The following ZRANB3 variants were observed in gnomAD, a reference collection of about 807,000 sequenced individuals.
ZRANB3 encodes DNA annealing helicase and endonuclease ZRANB3.
A neutral mutation model predicts 133.8 loss-of-function variants in ZRANB3; 125 were observed. That is an observed-to-expected ratio of 0.93 (90% CI 0.81 to 1.08). The LOEUF is 1.08. Among genes scored for constraint, ZRANB3 ranks in the 50% least tolerant of loss-of-function variants. The probability of loss-of-function intolerance (pLI) is 0.00; values close to 1 mark genes in which losing one functional copy is unlikely to be tolerated. For synonymous variants in ZRANB3, 387 were observed against 432.7 expected, an observed-to-expected ratio of 0.89 and a Z score of 1.31; for missense variants, 1,229 against 1,275.5, an observed-to-expected ratio of 0.96 and a Z score of 0.56.
intron 2 of ZRANB3, among the ~76,000 whole-genome samples, chr2:135,485,070 A>C (rs943581607): frequency 6.6e-6 from 1 of 152,058 alleles, no homozygotes; most frequent in Non-Finnish European, 1.5e-5. Flanking sequence ...ATATATTTTT[A>C]AAACCCCAAT....
intron 15 of ZRANB3, among the ~76,000 whole-genome samples, chr2:135,221,821 A>G (rs764251131): frequency 6.6e-6 from 1 of 152,100 alleles, no homozygotes; most frequent in Non-Finnish European, 1.5e-5. Context: ...CTCCAAACCT[A>G]TAAGAGGAGC....
At chr2:135,335,588 G>A (rs934433108) in intron 6 of ZRANB3, among the ~76,000 whole-genome samples, 8 of 152,034 alleles carry the variant, frequency 5.3e-5, no homozygotes, top group African/African-American at 1.4e-4. Flanking sequence ...ACCTATTTGC[G>A]AGGCTGAGGC....
chr2:135,414,215 C>T (rs1048807545), intron 2 of ZRANB3, among the ~76,000 whole-genome samples: 30 of 152,108 alleles, frequency 2.0e-4, no homozygotes, highest in African/African-American at 4.6e-4. Context: ...ACCCATCTCA[C>T]GTGCAGAGAC....
intron 2 of ZRANB3, among the ~76,000 whole-genome samples, chr2:135,391,238 G>T (rs1042867916): frequency 2.0e-5 from 3 of 152,188 alleles, no homozygotes; most frequent in Non-Finnish European, 4.4e-5. Context: ...AAGCCAGAGA[G>T]AGGTGTTTAT....
chr2:135,292,693 G>C (rs1215635515), intron 8 of ZRANB3, among the ~76,000 whole-genome samples: 2 of 152,156 alleles, frequency 1.3e-5, no homozygotes, highest in South Asian at 2.1e-4. Flanking sequence ...TAATGGTATT[G>C]CCTAGGTTTT....
intron 8 of ZRANB3, 29 bp from the exon 9 acceptor site, chr2:135,275,784 T>C (rs954108303): frequency 9.6e-6 from 14 of 1,460,264 alleles, no homozygotes; most frequent in Non-Finnish European, 1.3e-5. Flanking sequence ...ACCTTATTAG[T>C]GTCATAAAAA....
chr2:135,504,283 C>T (rs1693077605), intron 2 of ZRANB3, 46 bp downstream of exon 2: 1 of 1,608,846 alleles, frequency 6.2e-7, no homozygotes, highest in African/African-American at 1.3e-5. Flanking sequence ...TTTTAATACA[C>T]TTTCCAGGAA....
intron 6 of ZRANB3, among the ~76,000 whole-genome samples, chr2:135,321,137 T>C (rs574994913): frequency 8.6e-4 from 131 of 152,350 alleles, no homozygotes; most frequent in African/African-American, 2.7e-3. Flanking sequence ...AGTGAACATA[T>C]GTTTTCATTT....
At chr2:135,211,621 T>C (rs1045613794) in intron 17 of ZRANB3, among the ~76,000 whole-genome samples, 1 of 152,210 alleles carries the variant, frequency 6.6e-6, no homozygotes, top group Non-Finnish European at 1.5e-5. Context: ...AAATAAATAA[T>C]AGCATAGCAT....
In ZRANB3 at chr2:135,300,178, T is replaced by G. The variant is rs376520093; in HGVS notation, c.966+13311A>C. Among the ~76,000 whole-genome samples, 57 of 152,348 alleles carry G rather than the reference T, an allele frequency of 3.7e-4. 2 individuals carry two copies. In the South Asian group the frequency reaches 0.011, roughly 30 times the overall value. On this transcript the variant is annotated intron_variant, in intron 8 of 20. Transcript: ENST00000264159. ...TTTCATACTGCATACATTTATGTAT[T>G]TATTATGGAATTATAGCCTTTGAAA... is the stretch of plus-strand genomic sequence containing the variant.
intron 14 of ZRANB3, among the ~76,000 whole-genome samples, chr2:135,225,044 A>G (rs567852173): frequency 6.6e-6 from 1 of 152,162 alleles, no homozygotes; most frequent in African/African-American, 2.4e-5. Context: ...TCTCAGTCCT[A>G]CTGTCCAATA....
At chr2:135,412,774 G>A (rs1444125571) in intron 2 of ZRANB3, among the ~76,000 whole-genome samples, 1 of 152,020 alleles carries the variant, frequency 6.6e-6, no homozygotes, top group East Asian at 1.9e-4. Context: ...CTTCATTAGT[G>A]AAAGTTATAG....
At position 135,207,630 on chromosome 2, in the gene ZRANB3, A is replaced by G. The variant is rs1395464997; in HGVS notation, c.2813T>C (p.Leu938Pro). 1 of 1,613,906 alleles carries G rather than the reference A, an allele frequency of 6.2e-7. No homozygotes were observed. Among genetic ancestry groups the G allele is most frequent in the Non-Finnish European group, 8.5e-7 (1 of 1,179,894 alleles). The change falls in exon 19 of 21, where the codon CTG (leucine) becomes CCG (proline). Residue 938 changes from leucine to proline, a missense_variant. Physicochemically the swap from Leu to Pro is moderately conservative, Grantham distance 98. Transcript: ENST00000264159. ...AATCCAAAACTCTTCCTGACATTTC[A>G]GAGAGCAAAACCGTGAATCCCAAGA... ...ANSWDSRFCS[L>P]KCQEEFWIRS...
chr2:135,225,227 T>C (rs751097616), intron 14 of ZRANB3, among the ~76,000 whole-genome samples: 4 of 152,332 alleles, frequency 2.6e-5, no homozygotes, highest in Non-Finnish European at 4.4e-5. Context: ...AACTTACTTA[T>C]GGTCATATGG....
chr2:135,324,580 C>T (rs1451402781), intron 6 of ZRANB3, among the ~76,000 whole-genome samples: 2 of 152,130 alleles, frequency 1.3e-5, no homozygotes, highest in African/African-American at 2.4e-5. Flanking sequence ...TATTTATAAT[C>T]CTTTGGGTAT....
At chr2:135,200,922 AT>A (rs1489691786) in intron 20 of ZRANB3, among the ~76,000 whole-genome samples, 1 of 151,996 alleles carries the variant, frequency 6.6e-6, no homozygotes, top group East Asian at 1.9e-4. Context: ...CACCCAGCTA[AT>A]TTTTGTATTT....
In ZRANB3 at chr2:135,198,440, A is replaced by G. The variant is rs1259820819; in HGVS notation, c.*1902T>C. ...CAGTGTCCTGTACAGCAAATGCTCA[A>G]TGCTCCTTACGGCATTTTTAATTAG... On this transcript the variant is annotated 3_prime_UTR_variant, in exon 21 of 21. Transcript: ENST00000264159. The G allele has an allele frequency of 6.6e-6, 1 of 152,224 alleles. No homozygotes were observed. Among genetic ancestry groups the G allele is most frequent in the Non-Finnish European group, 1.5e-5 (1 of 68,076 alleles). 9.4% of individuals were successfully genotyped at this position (152,224 alleles called of 1,614,324 possible).
At chr2:135,449,129 G>A (rs1447219186) in intron 2 of ZRANB3, among the ~76,000 whole-genome samples, 1 of 152,160 alleles carries the variant, frequency 6.6e-6, no homozygotes, top group Non-Finnish European at 1.5e-5. Flanking sequence ...ACCATACTAT[G>A]AGGAACTAAA....
chr2:135,466,842 T>C (rs2105022595), intron 2 of ZRANB3, among the ~76,000 whole-genome samples: 1 of 152,154 alleles, frequency 6.6e-6, no homozygotes, highest in African/African-American at 2.4e-5. Context: ...TGCACTCAGC[T>C]AATTTTTGTA....
Sources: gnomAD v4.1 joint callset for allele counts (sites outside exome capture counted in the v4.1 genomes callset) on GRCh38, gnomAD v4.1.1 for gene constraint, MANE v1.5 for transcripts, NCBI Gene and HGNC (gene_info 2026-07-23, HGNC 2026-07-21) for gene names.